Variants in COL18A1 observed in about 807,000 individuals in gnomAD.
The protein encoded by COL18A1 is collagen type XVIII alpha 1 chain.
COL18A1 carries 133 observed loss-of-function variants against 168.0 expected under a neutral mutation model. The observed-to-expected ratio is 0.79, with a 90% CI of 0.69 to 0.91. The LOEUF (loss-of-function observed/expected upper bound fraction) is 0.91, where lower values mean the gene tolerates loss of function less well. Among genes scored for constraint, COL18A1 ranks in the 40% least tolerant of loss-of-function variants. COL18A1 has a pLI of 0.00. For missense variants in COL18A1, 2,126 were observed against 1,925.4 expected (o/e 1.10, Z -1.95); for synonymous variants, 949 against 809.0 (o/e 1.17, Z -2.94).
At position 45,418,718 on chromosome 21, in the gene COL18A1, C is replaced by T. The variant is rs145233130; in HGVS notation, c.106+13245C>T. On this transcript the variant is annotated intron_variant, in intron 2 of 41. Coordinates refer to ENST00000651438, the MANE Select transcript of COL18A1 (RefSeq NM_001379500.1). ...CCTCAGGGGCCTCCCAGCCACCTCA[C>T]GTCACTTCCTGGGGTCTCAGGGCAG... Among the ~76,000 whole-genome samples the T allele has an allele frequency of 2.5e-3, 377 of 150,418 alleles. 2 individuals carry two copies. Among genetic ancestry groups the T allele is most frequent in the African/African-American group, 8.6e-3 (355 of 41,214 alleles).
intron 2 of COL18A1, among the ~76,000 whole-genome samples, chr21:45,447,999 C>T (rs2034539848): frequency 6.6e-6 from 1 of 152,160 alleles, no homozygotes; most frequent in African/African-American, 2.4e-5. Context: ...AGGAATAACA[C>T]CCACACAGAG....
In COL18A1 at chr21:45,425,415, C is replaced by G. The variant is rs2033767472; in HGVS notation, c.106+19942C>G. Among the ~76,000 whole-genome samples the G allele has an allele frequency of 6.6e-6, 1 of 152,218 alleles. No individual in the cohort carries two copies. The highest frequency in any genetic ancestry group is 1.5e-5 in the Non-Finnish European group (1 of 68,036). On this transcript the variant is annotated intron_variant, in intron 2 of 41. Transcript: ENST00000651438. This position sits in a 1 kb window ranked among gnomAD's most constrained non-coding sequence, Gnocchi z 4.1. ...AGTCAGCGGGTCCCTGGGGTCCCTG[C>G]AACTGTCCCCCAAGAGGTGTGCATG...
chr21:45,494,619 C>G (rs772113082), intron 27 of COL18A1, 48 bp downstream of exon 27: 1 of 1,611,740 alleles, frequency 6.2e-7, no homozygotes, highest in Non-Finnish European at 8.5e-7. Flanking sequence ...GCATGACGGC[C>G]CCCAAGGACA....
intron 2 of COL18A1, among the ~76,000 whole-genome samples, chr21:45,412,194 C>T (rs1292144788): frequency 2.0e-5 from 3 of 149,886 alleles, no homozygotes; most frequent in Non-Finnish European, 3.0e-5. Context: ...TATGGTCAGC[C>T]TTTAACTGGG....
At chr21:45,453,591 T>C (rs1047459690) in intron 2 of COL18A1, among the ~76,000 whole-genome samples, 1 of 152,052 alleles carries the variant, frequency 6.6e-6, no homozygotes. Flanking sequence ...TGGAGGTGCT[T>C]GGAGGTGAGG....
Position 45,486,905 on chromosome 21 carries a change from C to A in COL18A1, c.1746C>A (p.Ser582Arg), listed in dbSNP as rs1037977541. The A allele has an allele frequency of 1.6e-5, 24 of 1,521,878 alleles. No individual in the cohort carries two copies. Among genetic ancestry groups the A allele is most frequent in the Non-Finnish European group, 2.1e-5 (24 of 1,134,704 alleles). The allele number at this position is 1,521,878 out of a possible 1,614,324, so 94.3% of individuals were successfully genotyped here. A position where few individuals can be genotyped will look rare whatever the true frequency, so the allele number is the denominator to read the frequency against. Residue 582 changes from serine (S) to arginine (R), a missense_variant, in exon 16 of 42, where the codon AGC becomes AGA. Ser to Arg is a moderately radical substitution (Grantham distance 110). Transcript: ENST00000651438. ...GTCCTGCTGGTGCTCGTGGGGAGAG[C>A]GGCCTGGCAGGAGCCCCCGGACCTG... ...APGPAGARGESGLAGAPGPAG... is the reference protein window; with the variant it reads ...APGPAGARGERGLAGAPGPAG...
At chr21:45,451,958 C>T (rs1029465844) in intron 2 of COL18A1, among the ~76,000 whole-genome samples, 2 of 152,260 alleles carry the variant, frequency 1.3e-5, no homozygotes, top group African/African-American at 4.8e-5. Flanking sequence ...CAAGGTCCCT[C>T]ATGACGACAC....
intron 15 of COL18A1, among the ~76,000 whole-genome samples, chr21:45,484,198 C>G (rs1317255850): frequency 6.8e-6 from 1 of 146,194 alleles, no homozygotes; most frequent in African/African-American, 2.6e-5. Context: ...CATATGTGCA[C>G]ACACACATAG....
intron 2 of COL18A1, among the ~76,000 whole-genome samples, chr21:45,461,227 G>T (rs550648381): frequency 6.6e-6 from 1 of 152,176 alleles, no homozygotes; most frequent in East Asian, 1.9e-4. Flanking sequence ...TCTGTGGGCT[G>T]GCCTCGGCTG....
intron 9 of COL18A1, 91 bp downstream of exon 9, chr21:45,478,444 C>T (rs1032900652): frequency 8.3e-6 from 13 of 1,558,342 alleles, no homozygotes; most frequent in East Asian, 2.2e-5. Flanking sequence ...TTTTTAAACG[C>T]GACCCAGTGA....
chr21:45,503,092 G>A (rs896270465), intron 32 of COL18A1: 11 of 152,156 alleles, frequency 7.2e-5, no homozygotes, highest in Non-Finnish European at 1.3e-4. Flanking sequence ...ACCCAGTAAT[G>A]GGATGGCTGG....
Position 45,456,610 on chromosome 21 carries a change from C to T in COL18A1, c.107-11632C>T, listed in dbSNP as rs765441466. 4.4e-5 allele frequency: 67 copies of T among 1,540,116 alleles called. 1 individual carries two copies. Among genetic ancestry groups the T allele is most frequent in the African/African-American group, 2.2e-4 (16 of 73,028 alleles). Reference sequence around the variant, plus strand: ...TCTGGCTGCCCAACCACCTCCACCACGAGAGCGGCGAGCAGGTGCGGGCCG... The same window carrying T: ...TCTGGCTGCCCAACCACCTCCACCATGAGAGCGGCGAGCAGGTGCGGGCCG... On this transcript the variant is annotated intron_variant, in intron 2 of 41. Coordinates refer to ENST00000651438, the MANE Select transcript of COL18A1 (RefSeq NM_001379500.1).
At chr21:45,493,034 G>A (rs370636830) in intron 24 of COL18A1, 129 bp from the exon 25 acceptor site, 29 of 981,606 alleles carry the variant, frequency 3.0e-5, no homozygotes, top group South Asian at 1.5e-4. Context: ...GGCTGGGGCC[G>A]CGAGGGGCCC....
chr21:45,438,788 T>C (rs1219771327), intron 2 of COL18A1, among the ~76,000 whole-genome samples: 1 of 152,204 alleles, frequency 6.6e-6, no homozygotes, highest in Non-Finnish European at 1.5e-5. Flanking sequence ...CAGAGTGGCT[T>C]ATTAGACACG....
At chr21:45,509,949 C>T (rs2146124931) in intron 39 of COL18A1, 115 bp from the exon 40 acceptor site, 1 of 1,237,244 alleles carries the variant, frequency 8.1e-7, no homozygotes. Flanking sequence ...GCCTCCCGCT[C>T]AGCGCCCCTC....
chr21:45,459,650 G>T (rs545290285), intron 2 of COL18A1, among the ~76,000 whole-genome samples: 1 of 152,350 alleles, frequency 6.6e-6, no homozygotes, highest in Admixed American at 6.5e-5. Flanking sequence ...CAGGGACCCT[G>T]TGGAGGGTTT....
At chr21:45,508,767 T>C (rs1490210333) in intron 38 of COL18A1, among the ~76,000 whole-genome samples, 1 of 152,148 alleles carries the variant, frequency 6.6e-6, no homozygotes, top group Non-Finnish European at 1.5e-5. Flanking sequence ...CCCTCCTGTG[T>C]GCCGGGTGGC....
At chr21:45,453,212 G>A (rs888873595) in intron 2 of COL18A1, among the ~76,000 whole-genome samples, 8 of 152,230 alleles carry the variant, frequency 5.3e-5, no homozygotes, top group African/African-American at 1.7e-4. Context: ...TGACATGTGA[G>A]CATGTATGTA....
In COL18A1 at chr21:45,419,012, C is replaced by T. The variant is rs955791982; in HGVS notation, c.106+13539C>T. ...CATCAGGGCTGCAGGTCAGCTCTTC[C>T]CTGTCTTCAGTAAAGGATGGACGCG... On this transcript the variant is annotated intron_variant, in intron 2 of 41. Coordinates refer to ENST00000651438, the MANE Select transcript of COL18A1 (RefSeq NM_001379500.1). Among the ~76,000 whole-genome samples, 10 of 152,228 alleles carry T rather than the reference C, an allele frequency of 6.6e-5. No homozygotes were observed. In the East Asian group the frequency reaches 1.5e-3, roughly 23 times the overall value.
Sources: allele counts gnomAD v4.1 joint callset (sites outside exome capture counted in the v4.1 genomes callset), GRCh38; gene constraint gnomAD v4.1.1; non-coding constraint Gnocchi (gnomAD v3.1); transcripts MANE v1.5; gene names NCBI Gene and HGNC (gene_info 2026-07-23, HGNC 2026-07-21).